The following TMEM51 variants were observed in gnomAD, a reference collection of about 807,000 sequenced individuals.
TMEM51 encodes the protein chromosome 1 open reading frame 72.
TMEM51 carries 8 observed loss-of-function variants against 13.6 expected under a neutral mutation model. The ratio of observed to expected loss-of-function variants is 0.59; its 90% CI spans 0.35 to 1.07. The LOEUF is 1.07. Among genes scored for constraint, TMEM51 ranks in the 50% least tolerant of loss-of-function variants. The pLI is 0.02. For synonymous variants in TMEM51, 147 were observed against 144.4 expected (o/e 1.02, Z -0.13); for missense variants, 279 against 330.7 (o/e 0.84, Z 1.21).
chr1:15,155,085 A>T (rs1054847328), intron 1 of TMEM51, among the ~76,000 whole-genome samples: 1 of 152,212 alleles, frequency 6.6e-6, no homozygotes, highest in African/African-American at 2.4e-5. Context: ...TCACAAGAGG[A>T]TCCTGACCTA....
chr1:15,215,785 G>A (rs941589976), intron 3 of TMEM51, among the ~76,000 whole-genome samples: 1 of 152,162 alleles, frequency 6.6e-6, no homozygotes, highest in Non-Finnish European at 1.5e-5. Flanking sequence ...CCAGAACTTT[G>A]GGAGGCCGAG....
intron 1 of TMEM51, among the ~76,000 whole-genome samples, chr1:15,187,771 T>C (rs7412077): frequency 0.54 from 81,572 of 151,964 alleles, 22,405 homozygotes; most frequent in East Asian, 0.64. Context: ...TCTGTCCTTC[T>C]TCCCTCACTG....
intron 1 of TMEM51, among the ~76,000 whole-genome samples, chr1:15,157,500 T>G (rs1642628322): frequency 6.6e-6 from 1 of 151,772 alleles, no homozygotes; most frequent in Non-Finnish European, 1.5e-5. Flanking sequence ...GGTTCCAGAG[T>G]TTGTCTTGAA....
intron 1 of TMEM51, among the ~76,000 whole-genome samples, chr1:15,181,519 C>T (rs1643616098): frequency 6.6e-6 from 1 of 152,172 alleles, no homozygotes. Context: ...AGCCTCGTTC[C>T]CAGGCTTCGG....
chr1:15,163,739 T>C (rs1642878453), intron 1 of TMEM51, among the ~76,000 whole-genome samples: 1 of 150,682 alleles, frequency 6.6e-6, no homozygotes, highest in African/African-American at 2.4e-5. Context: ...AATTTTGGAA[T>C]AATTTTAGAT....
At chr1:15,209,855 A>T (rs1573446098) in intron 1 of TMEM51, among the ~76,000 whole-genome samples, 1 of 152,040 alleles carries the variant, frequency 6.6e-6, no homozygotes, top group African/African-American at 2.4e-5. Flanking sequence ...ACATGGTGAA[A>T]CCCCGTCTCT....
rs1403921227 is a variant in TMEM51 at position 15,175,007 on chromosome 1, C to T, written c.-267+21053C>T. 6.6e-5 allele frequency among the ~76,000 whole-genome samples: 10 copies of T among 152,298 alleles called. No individual in the cohort carries two copies. The East Asian group carries it at 1.9e-3, about 29-fold the overall frequency. On this transcript the variant is annotated intron_variant, in intron 1 of 3. Coordinates refer to ENST00000376008, the MANE Select transcript of TMEM51 (RefSeq NM_001136218.2). ...TCAGTCTGGACAGCACCCTACCATC[C>T]TTTTGGTCGCTGACACTAAAATCCT...
intron 1 of TMEM51, among the ~76,000 whole-genome samples, chr1:15,180,337 G>A (rs1046921268): frequency 1.3e-5 from 2 of 152,238 alleles, no homozygotes; most frequent in Middle Eastern, 3.2e-3. Context: ...TCAGTCACCA[G>A]GCAGATCCTG....
chr1:15,216,547 TA>T (rs1644435947), intron 3 of TMEM51, among the ~76,000 whole-genome samples: 1 of 152,208 alleles, frequency 6.6e-6, no homozygotes, highest in African/African-American at 2.4e-5. Context: ...TGTTGACTGA[TA>T]GAAACTTTCT....
At chr1:15,170,980 G>A (rs1379468490) in intron 1 of TMEM51, among the ~76,000 whole-genome samples, 1 of 151,902 alleles carries the variant, frequency 6.6e-6, no homozygotes, top group African/African-American at 2.4e-5. Flanking sequence ...CGCCCGCCTC[G>A]GCCTCCCTAG....
intron 1 of TMEM51, among the ~76,000 whole-genome samples, chr1:15,209,035 T>A (rs1029015987): frequency 6.6e-6 from 1 of 152,082 alleles, no homozygotes; most frequent in African/African-American, 2.4e-5. Flanking sequence ...TCTTCACTCT[T>A]CATTTCTCCA....
chr1:15,160,480 G>A (rs1218593788), intron 1 of TMEM51, among the ~76,000 whole-genome samples: 2 of 151,928 alleles, frequency 1.3e-5, no homozygotes, highest in Non-Finnish European at 2.9e-5. Flanking sequence ...CACCATGTTG[G>A]CCAAGCTGGT....
intron 1 of TMEM51, among the ~76,000 whole-genome samples, chr1:15,185,409 G>A (rs1181257447): frequency 1.3e-5 from 2 of 152,226 alleles, no homozygotes; most frequent in Non-Finnish European, 2.9e-5. Flanking sequence ...AGTGCAGGAA[G>A]AAATGTTGGG....
intron 1 of TMEM51, among the ~76,000 whole-genome samples, chr1:15,193,571 C>CTTTTTTTTTT (rs1392623062): frequency 6.2e-5 from 5 of 80,612 alleles, no homozygotes; most frequent in African/African-American, 1.7e-4. Flanking sequence ...TCTTTTCTTT[C>CTTTTTTTTTT]TTTCTTTTTT....
chr1:15,215,382 C>T lies in TMEM51; in HGVS notation c.295C>T (p.His99Tyr), dbSNP rs1644414185. The T allele has an allele frequency of 1.2e-6, 2 of 1,609,086 alleles. No individual in the cohort carries two copies. The highest frequency in any genetic ancestry group is 8.5e-7 in the Non-Finnish European group (1 of 1,179,478). Residue 99 changes from histidine (H) to tyrosine (Y), a missense_variant, in exon 3 of 4, where the codon CAT (histidine) becomes TAT (tyrosine). His to Tyr is a moderately conservative substitution (Grantham distance 83). Coordinates refer to ENST00000376008, the MANE Select transcript of TMEM51 (RefSeq NM_001136218.2). ...RKQRQGEDLA[H>Y]VQHPTGAGPH... is the part of the protein sequence containing the mutation. ...GCAGCGGCAGGGCGAGGACCTGGCC[C>T]ATGTCCAGCACCCGACAGGCGCTGG...
At chr1:15,196,672 A>C (rs1051742353) in intron 1 of TMEM51, among the ~76,000 whole-genome samples, 1 of 152,330 alleles carries the variant, frequency 6.6e-6, no homozygotes, top group South Asian at 2.1e-4. Flanking sequence ...TTATTGAATT[A>C]AGTGCTTCCA....
In TMEM51 at chr1:15,215,387, C is replaced by T. The variant is rs143844799; in HGVS notation, c.300C>T (p.Val100=). Residue 100 remains valine (V), a synonymous_variant, in exon 3 of 4, where the codon GTC becomes GTT. Transcript: ENST00000376008. ...KQRQGEDLAH[V]QHPTGAGPHA... ...GGCAGGGCGAGGACCTGGCCCATGT[C>T]CAGCACCCGACAGGCGCTGGGCCTC... The T allele has an allele frequency of 6.2e-7, 1 of 1,607,402 alleles. No homozygotes were observed. The highest frequency in any genetic ancestry group is 1.7e-5 in the Admixed American group (1 of 59,804).
chr1:15,215,395 C>T lies in TMEM51; in HGVS notation c.308C>T (p.Pro103Leu), dbSNP rs755982717. Residue 103 changes from proline to leucine, a missense_variant, in exon 3 of 4, where the codon CCG becomes CTG. Transcript: ENST00000376008. ...QGEDLAHVQH[P>L]TGAGPHAQEE... ...GAGGACCTGGCCCATGTCCAGCACC[C>T]GACAGGCGCTGGGCCTCACGCCCAG... 6 of 1,608,746 alleles carry T rather than the reference C, an allele frequency of 3.7e-6. No individual in the cohort carries two copies. The African/African-American group carries it at 5.3e-5, about 14-fold the overall frequency.
At chr1:15,158,445 A>G (rs1225810210) in intron 1 of TMEM51, among the ~76,000 whole-genome samples, 3 of 152,028 alleles carry the variant, frequency 2.0e-5, no homozygotes, top group Non-Finnish European at 4.4e-5. Context: ...TTATGTGTTT[A>G]TTTTTGCTGT....
Sources: allele counts gnomAD v4.1 joint callset (sites outside exome capture counted in the v4.1 genomes callset), GRCh38; gene constraint gnomAD v4.1.1; transcripts MANE v1.5; gene names NCBI Gene and HGNC (gene_info 2026-07-23, HGNC 2026-07-21).